Variants in SLC29A4 observed in about 807,000 individuals in gnomAD.
The protein encoded by SLC29A4 is solute carrier family 29 member 4, also known as equilibrative nucleoside transporter 4.
In SLC29A4, 36 loss-of-function variants were observed where a neutral mutation model predicts 43.9. The observed-to-expected ratio is 0.82, with a 90% CI of 0.63 to 1.08. The LOEUF is 1.08. SLC29A4 is among the 50% of genes least tolerant of loss of function. The probability of loss-of-function intolerance (pLI) is 0.00; values close to 1 mark genes in which losing one functional copy is unlikely to be tolerated. For missense variants in SLC29A4, 869 were observed against 755.3 expected, an observed-to-expected ratio of 1.15 and a Z score of -1.77; for synonymous variants, 491 against 338.0, an observed-to-expected ratio of 1.45 and a Z score of -4.97.
At position 5,291,234 on chromosome 7, in the gene SLC29A4, G is replaced by A. The variant is rs148426706; in HGVS notation, c.412G>A (p.Ala138Thr). 1.6e-3 allele frequency: 2,633 copies of A among 1,611,756 alleles called. 7 individuals are homozygous for A. The highest frequency in any genetic ancestry group is 1.9e-3 in the Non-Finnish European group (2,242 of 1,179,698). ...ERLTLHTRIT[A>T]GYLLALGPLL... ...ACTGACCCTGCACACCAGGATCACCGCAGGTGCGCTGGGCCCCGCCACGGG... is the reference window on the plus strand; with the variant it reads ...ACTGACCCTGCACACCAGGATCACCACAGGTGCGCTGGGCCCCGCCACGGG... The change falls in exon 4 of 11, where the codon GCA becomes ACA. Residue 138 changes from alanine (A) to threonine (T), a missense_variant. Coordinates refer to ENST00000396872, the MANE Select transcript of SLC29A4 (RefSeq NM_153247.4).
chr7:5,285,523 C>G (rs371407643), intron 1 of SLC29A4, among the ~76,000 whole-genome samples: 6 of 152,352 alleles, frequency 3.9e-5, no homozygotes, highest in African/African-American at 1.4e-4. Flanking sequence ...CCCAGGCCCC[C>G]TTTTAGGCCC....
At chr7:5,298,931 C>T (rs1583675414) in intron 7 of SLC29A4, 57 bp from the exon 8 acceptor site, 4 of 1,567,202 alleles carry the variant, frequency 2.6e-6, no homozygotes, top group Admixed American at 1.8e-5. Context: ...GATTCCTGGC[C>T]CGTGTCTCCT....
chr7:5,285,880 G>C (rs1394188211), intron 1 of SLC29A4, among the ~76,000 whole-genome samples: 2 of 152,120 alleles, frequency 1.3e-5, no homozygotes, highest in Non-Finnish European at 2.9e-5. Context: ...GGGCCTGGTG[G>C]CACACACCTG....
chr7:5,293,540 C>A (rs1785448819), intron 5 of SLC29A4, among the ~76,000 whole-genome samples: 2 of 152,142 alleles, frequency 1.3e-5, no homozygotes, highest in Admixed American at 1.3e-4. Context: ...TATATTACGG[C>A]CCTGTAAACA....
chr7:5,296,393 G>A (rs574746765), intron 6 of SLC29A4, among the ~76,000 whole-genome samples: 4 of 150,638 alleles, frequency 2.7e-5, no homozygotes, highest in African/African-American at 7.3e-5. Flanking sequence ...GGGGGTGTGT[G>A]AGCGGCGTCG....
chr7:5,286,535 GAAAAA>G (rs1395967660), intron 1 of SLC29A4, among the ~76,000 whole-genome samples: 1 of 146,796 alleles, frequency 6.8e-6, no homozygotes, highest in Non-Finnish European at 1.5e-5. Context: ...AAAAAAAAAA[GAAAAA>G]AGAAAAAAAT....
intron 9 of SLC29A4, among the ~76,000 whole-genome samples, chr7:5,299,987 G>C (rs572207775): frequency 1.3e-5 from 2 of 152,342 alleles, no homozygotes; most frequent in South Asian, 4.1e-4. Flanking sequence ...AGGAGGTGGA[G>C]GGTGTAGTGA....
chr7:5,293,991 A>C (rs1440408434), intron 5 of SLC29A4, among the ~76,000 whole-genome samples: 1 of 151,204 alleles, frequency 6.6e-6, no homozygotes, highest in Non-Finnish European at 1.5e-5. Flanking sequence ...CTGTAATCCC[A>C]GTTACTCGGG....
At position 5,299,535 on chromosome 7, in the gene SLC29A4, C is replaced by T. The variant is rs1785983340; in HGVS notation, c.1209+108C>T. 4.0e-6 allele frequency: 5 copies of T among 1,245,536 alleles called. No individual in the cohort carries two copies. The African/African-American group carries it at 6.0e-5, about 15-fold the overall frequency. 77.2% of individuals were successfully genotyped at this position (1,245,536 alleles called of 1,614,324 possible). ...TCTGAGTGAAGGATGCATGTGGCTCCCAGGTGGAAAGGGCAAGAGCTGTGC... is the reference window on the plus strand; with the variant it reads ...TCTGAGTGAAGGATGCATGTGGCTCTCAGGTGGAAAGGGCAAGAGCTGTGC... On this transcript the variant is annotated intron_variant, in intron 9 of 10. Transcript: ENST00000396872.
chr7:5,293,655 T>G (rs1238149527), intron 5 of SLC29A4, among the ~76,000 whole-genome samples: 1 of 152,134 alleles, frequency 6.6e-6, no homozygotes, highest in East Asian at 1.9e-4. Context: ...CTAGATTTTA[T>G]TTTTTTAGAG....
chr7:5,284,795 G>T (rs1784855257), intron 1 of SLC29A4, among the ~76,000 whole-genome samples: 1 of 152,174 alleles, frequency 6.6e-6, no homozygotes, highest in Non-Finnish European at 1.5e-5. Flanking sequence ...CCACTTTGCC[G>T]ACTAAGCCAG....
intron 2 of SLC29A4, among the ~76,000 whole-genome samples, chr7:5,288,440 G>T (rs1785101607): frequency 1.3e-5 from 2 of 151,448 alleles, no homozygotes; most frequent in Admixed American, 1.3e-4. Flanking sequence ...AAGTAGCTGG[G>T]ACGGCAGGTG....
rs574919849 is a variant in SLC29A4 at position 5,296,939 on chromosome 7, C to T, written c.623C>T (p.Thr208Met). The change falls in exon 7 of 11, where the codon ACG (threonine) becomes ATG (methionine). Residue 208 changes from threonine to methionine, a missense_variant. Coordinates refer to ENST00000396872, the MANE Select transcript of SLC29A4 (RefSeq NM_153247.4). ...YTQGVMTGES[T>M]AGVMISLSRI... ...GCCCACTGTGCACGCCCCCCAGGCA[C>T]GGCGGGCGTGATGATCTCTCTGAGC... The T allele has an allele frequency of 1.4e-5, 22 of 1,540,990 alleles. No homozygotes were observed. Among genetic ancestry groups the T allele is most frequent in the African/African-American group, 1.1e-4 (8 of 74,118 alleles).
chr7:5,283,709 T>G (rs1458046279), intron 1 of SLC29A4, among the ~76,000 whole-genome samples: 1 of 151,894 alleles, frequency 6.6e-6, no homozygotes, highest in African/African-American at 2.4e-5. Flanking sequence ...TTGGAGCAGC[T>G]TAGACCGCTG....
intron 6 of SLC29A4, among the ~76,000 whole-genome samples, chr7:5,295,819 T>C (rs998108888): frequency 1.4e-5 from 2 of 143,692 alleles, no homozygotes; most frequent in African/African-American, 5.1e-5. Flanking sequence ...GATTTTGTGG[T>C]GTGGCCGAGC....
chr7:5,290,694 G>T, intron 2 of SLC29A4, 38 bp from the exon 3 acceptor site: 1 of 1,582,930 alleles, frequency 6.3e-7, no homozygotes, highest in Non-Finnish European at 8.6e-7. Context: ...AGCCATGCGT[G>T]GAGCGTGCCC....
At chr7:5,285,068 C>G (rs7789002) in intron 1 of SLC29A4, among the ~76,000 whole-genome samples, 60,774 of 152,102 alleles carry the variant, frequency 0.4, 12,444 homozygotes, top group East Asian at 0.65. Context: ...ACACCATCCC[C>G]TTTCCTGGCT....
rs147689817 is a variant in SLC29A4, at chr7:5,295,633, G to A, written c.619+699G>A. 2.3e-3 allele frequency among the ~76,000 whole-genome samples: 355 copies of A among 152,312 alleles called. 1 individual carries two copies. Among genetic ancestry groups the A allele is most frequent in the African/African-American group, 8.1e-3 (336 of 41,588 alleles). ...CTTCCTTCTGTGCCTGGACTGGCCC[G>A]GGGTCAGTGCTGCCCAGGCAGGAAG... is the stretch of plus-strand genomic sequence containing the variant. On this transcript the variant is annotated intron_variant, in intron 6 of 10. Coordinates refer to ENST00000396872, the MANE Select transcript of SLC29A4 (RefSeq NM_153247.4).
rs926333544 is a variant in SLC29A4 at position 5,305,978 on chromosome 7, C to G, written c.*3039C>G. On this transcript the variant is annotated 3_prime_UTR_variant, in exon 11 of 11. Coordinates refer to ENST00000396872, the MANE Select transcript of SLC29A4 (RefSeq NM_153247.4). ...TCTCCTGCCTCAGCCTCCCAAGTAG[C>G]TGGGATTACAGGCACGCTCCACCAC... is the stretch of plus-strand genomic sequence containing the variant. 6.6e-6 allele frequency: 1 copy of G among 152,058 alleles called. No individual in the cohort carries two copies. Among genetic ancestry groups the G allele is most frequent in the Non-Finnish European group, 1.5e-5 (1 of 68,070 alleles). 9.4% of individuals were successfully genotyped at this position (152,058 alleles called of 1,614,324 possible). A position where few individuals can be genotyped will look rare whatever the true frequency, so the allele number is the denominator to read the frequency against.
Sources: allele counts gnomAD v4.1 joint callset (sites outside exome capture counted in the v4.1 genomes callset), GRCh38; gene constraint gnomAD v4.1.1; transcripts MANE v1.5; gene names NCBI Gene and HGNC (gene_info 2026-07-23, HGNC 2026-07-21).